Variants in TRHDE observed in about 807,000 individuals in gnomAD.
TRHDE encodes the protein thyrotropin-releasing hormone-degrading ectoenzyme.
TRHDE carries 72 observed loss-of-function variants against 125.7 expected under a neutral mutation model. The ratio of observed to expected loss-of-function variants is 0.57; its 90% CI spans 0.47 to 0.70. The LOEUF (loss-of-function observed/expected upper bound fraction) is 0.70. Among genes scored for constraint, TRHDE ranks in the 30% least tolerant of loss-of-function variants. The pLI, the probability that TRHDE is intolerant of heterozygous loss-of-function variation, is 0.00. For synonymous variants in TRHDE, 509 were observed against 509.1 expected, an observed-to-expected ratio of 1.00 and a Z score of 0.00; for missense variants, 1,110 against 1,327.1, an observed-to-expected ratio of 0.84 and a Z score of 2.54.
intron 3 of TRHDE, among the ~76,000 whole-genome samples, chr12:72,453,194 A>G (rs1168119469): frequency 6.6e-6 from 1 of 152,230 alleles, no homozygotes; most frequent in African/African-American, 2.4e-5. Context: ...TGATAGGAAC[A>G]GTAAAATCCA....
chr12:72,590,332 G>A (rs998557440), intron 12 of TRHDE, among the ~76,000 whole-genome samples: 3 of 133,520 alleles, frequency 2.2e-5, no homozygotes, highest in African/African-American at 1.1e-4. Context: ...TGTGTATTCT[G>A]CTGTTGTTCA....
chr12:72,260,505 T>C (rs985351781), intron 2 of TRHDE, among the ~76,000 whole-genome samples: 2 of 152,122 alleles, frequency 1.3e-5, no homozygotes, highest in Admixed American at 6.5e-5. Context: ...GGAGCAACAA[T>C]GCCTGAGCAG....
At chr12:72,379,849 G>A (rs1204032985) in intron 3 of TRHDE, among the ~76,000 whole-genome samples, 1 of 152,092 alleles carries the variant, frequency 6.6e-6, no homozygotes, top group Non-Finnish European at 1.5e-5. Flanking sequence ...TATATATCTA[G>A]GGGAGTTACC....
At chr12:72,434,651 A>C (rs1317589281) in intron 3 of TRHDE, among the ~76,000 whole-genome samples, 1 of 152,138 alleles carries the variant, frequency 6.6e-6, no homozygotes, top group Non-Finnish European at 1.5e-5. Flanking sequence ...GGACAAAATG[A>C]CCTTGTACGT....
chr12:72,213,312 A>C (rs1383772885), intron 2 of TRHDE, among the ~76,000 whole-genome samples: 1 of 152,148 alleles, frequency 6.6e-6, no homozygotes, highest in Non-Finnish European at 1.5e-5. Context: ...AAAACATTGA[A>C]GTGTACACAT....
chr12:72,346,142 C>G (rs893817491), intron 2 of TRHDE, among the ~76,000 whole-genome samples: 1 of 151,996 alleles, frequency 6.6e-6, no homozygotes, highest in African/African-American at 2.4e-5. Context: ...TTCTCCACTG[C>G]TATTTTGGGG....
intron 2 of TRHDE, among the ~76,000 whole-genome samples, chr12:72,321,650 A>G (rs1299670045): frequency 3.3e-5 from 5 of 152,278 alleles, no homozygotes; most frequent in African/African-American, 7.2e-5. Flanking sequence ...CTTAAAATGT[A>G]TATACATTAT....
chr12:72,348,151 G>A (rs1305787814), intron 2 of TRHDE, among the ~76,000 whole-genome samples: 2 of 151,948 alleles, frequency 1.3e-5, no homozygotes, highest in African/African-American at 4.8e-5. Flanking sequence ...CACACACATT[G>A]TGGAATGGCT....
At chr12:72,449,057 G>A (rs540854525) in intron 3 of TRHDE, among the ~76,000 whole-genome samples, 61 of 152,090 alleles carry the variant, frequency 4.0e-4, no homozygotes, top group African/African-American at 1.5e-3. Flanking sequence ...TGTCAACAGA[G>A]CATGGTTTGC....
intron 2 of TRHDE, among the ~76,000 whole-genome samples, chr12:72,301,626 A>G (rs1045463331): frequency 2.6e-5 from 4 of 152,224 alleles, no homozygotes; most frequent in Non-Finnish European, 5.9e-5. Context: ...TTTCTTAACT[A>G]GATTTGTGTA....
chr12:72,229,002 A>T (rs1384525948), intron 2 of TRHDE, among the ~76,000 whole-genome samples: 4 of 152,196 alleles, frequency 2.6e-5, no homozygotes, highest in Non-Finnish European at 4.4e-5. Flanking sequence ...GTCTCTAGGG[A>T]GTTCCAAACT....
intron 10 of TRHDE, among the ~76,000 whole-genome samples, chr12:72,572,947 A>C (rs12302064): frequency 0.26 from 40,072 of 151,770 alleles, 7,920 homozygotes; most frequent in East Asian, 0.53. Context: ...ACTTGTAAAA[A>C]TCCAAAGTAT....
Position 72,273,465 on chromosome 12 carries a change from G to C in TRHDE, c.822G>C (p.Arg274Ser), listed in dbSNP as rs1359842066. Reference sequence around the variant, plus strand: ...TGAATAGGACACTGGACGCGCAGAGGAATTACAATCTGAAGATTATCTACA... The same window carrying C: ...TGAATAGGACACTGGACGCGCAGAGCAATTACAATCTGAAGATTATCTACA... ...VVLNRTLDAQ[R>S]NYNLKIIYNA... Residue 274 changes from arginine to serine, a missense_variant, in exon 1 of 19, where the codon AGG (arginine) becomes AGC (serine). By Grantham distance (110) the Arg-to-Ser change is moderately radical. Around this residue, in one of 5 missense-constraint regions of TRHDE, gnomAD observed 252 missense variants for 274.8 expected, o/e 0.92. Coordinates refer to ENST00000261180, the MANE Select transcript of TRHDE (RefSeq NM_013381.3). The surrounding 1 kb of genome is among the most constrained non-coding windows in gnomAD (Gnocchi z 5.3). 7 of 1,613,852 alleles carry C rather than the reference G, an allele frequency of 4.3e-6. No homozygotes were observed. The highest frequency in any genetic ancestry group is 1.3e-5 in the African/African-American group (1 of 74,928).
intron 12 of TRHDE, among the ~76,000 whole-genome samples, chr12:72,594,506 T>TG (rs200822041): frequency 0.011 from 1,661 of 150,000 alleles, 31 homozygotes; most frequent in African/African-American, 0.039. Context: ...ATGTGAGTTT[T>TG]TTTTTTTTTT....
chr12:72,158,931 T>C (rs1876576845), intron 2 of TRHDE, among the ~76,000 whole-genome samples: 1 of 152,188 alleles, frequency 6.6e-6, no homozygotes, highest in African/African-American at 2.4e-5. Context: ...TTCTTACAAA[T>C]GGCCAATCAA....
chr12:72,491,688 C>T (rs922098419), intron 5 of TRHDE, among the ~76,000 whole-genome samples: 4 of 152,026 alleles, frequency 2.6e-5, no homozygotes, highest in Admixed American at 6.6e-5. Context: ...CTCATAAAAA[C>T]TGTGCAGAGG....
At chr12:72,640,497 A>G (rs1028170212) in intron 15 of TRHDE, among the ~76,000 whole-genome samples, 2 of 152,194 alleles carry the variant, frequency 1.3e-5, no homozygotes, top group Non-Finnish European at 2.9e-5. Context: ...TGTAGACCGG[A>G]GCTGTTCCTA....
intron 2 of TRHDE, among the ~76,000 whole-genome samples, chr12:72,224,166 G>GTATCTATCTATCTATC (rs368211232): frequency 7.9e-4 from 50 of 62,976 alleles, no homozygotes; most frequent in East Asian, 3.3e-3. Flanking sequence ...ATGTATGTAT[G>GTATCTATCTATCTATC]TATCTATCTA....
intron 12 of TRHDE, among the ~76,000 whole-genome samples, chr12:72,614,034 G>A (rs776888619): frequency 6.6e-6 from 1 of 151,978 alleles, no homozygotes; most frequent in Non-Finnish European, 1.5e-5. Context: ...GCAAGAGAGA[G>A]TGAGTCAGGG....
Sources: gnomAD v4.1 joint callset for allele counts (sites outside exome capture counted in the v4.1 genomes callset) on GRCh38, gnomAD v4.1.1 for gene constraint, gnomAD v4.1.1 regional missense constraint, Gnocchi (gnomAD v3.1) non-coding constraint, MANE v1.5 for transcripts, NCBI Gene and HGNC (gene_info 2026-07-23, HGNC 2026-07-21) for gene names.